Variants in UBE2H observed in about 807,000 individuals in gnomAD.
The protein encoded by UBE2H is ubiquitin conjugating enzyme E2 H, also known as ubiquitin-conjugating enzyme E2 H.
In UBE2H, 3 loss-of-function variants were observed where a neutral mutation model predicts 29.0. The observed-to-expected ratio is 0.10, with a 90% CI of 0.05 to 0.27. The LOEUF (loss-of-function observed/expected upper bound fraction) is 0.27, where lower values mean the gene tolerates loss of function less well. Among genes scored for constraint, UBE2H ranks in the 10% least tolerant of loss-of-function variants. The pLI is 1.00. For synonymous variants in UBE2H, 69 were observed against 82.9 expected (o/e 0.83, Z 0.91); for missense variants, 68 against 228.2 (o/e 0.30, Z 4.52).
At chr7:129,862,481 G>C (rs1193443830) in intron 3 of UBE2H, among the ~76,000 whole-genome samples, 1 of 152,160 alleles carries the variant, frequency 6.6e-6, no homozygotes, top group Non-Finnish European at 1.5e-5. Flanking sequence ...CAGCATTATG[G>C]AGAAAAACAC....
chr7:129,830,919 G>T lies in UBE2H; in HGVS notation c.*4018C>A, dbSNP rs920230098. 5 of 150,902 alleles carry T rather than the reference G, an allele frequency of 3.3e-5. No homozygotes were observed. The highest frequency in any genetic ancestry group is 1.2e-4 in the African/African-American group (5 of 40,896). 9.3% of individuals were successfully genotyped at this position (150,902 alleles called of 1,614,324 possible). On this transcript the variant is annotated 3_prime_UTR_variant, in exon 7 of 7. Coordinates refer to ENST00000355621, the MANE Select transcript of UBE2H (RefSeq NM_003344.4). ...GAAAAATAAGCGATAAAAAGCTTCA[G>T]ATTTCAGTTAGGGGCTGGCAGTCCC... is the stretch of plus-strand genomic sequence containing the variant.
chr7:129,945,703 A>C (rs1437719015), intron 1 of UBE2H, among the ~76,000 whole-genome samples: 2 of 152,252 alleles, frequency 1.3e-5, no homozygotes, highest in Non-Finnish European at 2.9e-5. Context: ...CAAAGAATTA[A>C]ATCAATGGCA....
chr7:129,940,131 A>G (rs762686470), intron 1 of UBE2H, among the ~76,000 whole-genome samples: 1 of 152,178 alleles, frequency 6.6e-6, no homozygotes, highest in Non-Finnish European at 1.5e-5. Flanking sequence ...TTTTCTATTT[A>G]TATTACCTCA....
In UBE2H at chr7:129,835,067, C is replaced by A; in HGVS notation, c.428-6G>T. 2 of 1,613,932 alleles carry A rather than the reference C, an allele frequency of 1.2e-6. No homozygotes were observed. Among genetic ancestry groups the A allele is most frequent in the Non-Finnish European group, 1.7e-6 (2 of 1,179,968 alleles). On this transcript the variant is annotated splice_region_variant and splice_polypyrimidine_tract_variant and intron_variant, in intron 6 of 6. Coordinates refer to ENST00000355621, the MANE Select transcript of UBE2H (RefSeq NM_003344.4). ...GGCGTATTTCTGGATGTACTCTGCA[C>A]GGGGTGGGAGAAAGACAACAAGGGC...
chr7:129,836,743 G>A (rs1446411266), intron 6 of UBE2H, among the ~76,000 whole-genome samples: 1 of 151,940 alleles, frequency 6.6e-6, no homozygotes, highest in Non-Finnish European at 1.5e-5. Flanking sequence ...AGCTGGATGT[G>A]GTGGCACATG....
chr7:129,892,812 T>A (rs1449778436), intron 1 of UBE2H, among the ~76,000 whole-genome samples: 1 of 151,500 alleles, frequency 6.6e-6, no homozygotes, highest in African/African-American at 2.4e-5. Flanking sequence ...GCTAGAAAAA[T>A]CAGATAACTG....
chr7:129,916,248 C>T (rs898814734), intron 1 of UBE2H, among the ~76,000 whole-genome samples: 4 of 151,976 alleles, frequency 2.6e-5, no homozygotes. Flanking sequence ...TAAACAGATC[C>T]GATTCAAGGG....
rs1313833283 is a variant in UBE2H at position 129,850,499 on chromosome 7, T to G, written c.298+7012A>C. Among the ~76,000 whole-genome samples the G allele has an allele frequency of 2.0e-5, 3 of 152,336 alleles. No individual in the cohort carries two copies. In the East Asian group the frequency reaches 5.8e-4, roughly 29 times the overall value. ...AAGCTAGAAACAGGTGTTCCTGTGCTGTGTGGGAAAGGGCAATATGAAAGA... is the reference window on the plus strand; with the variant it reads ...AAGCTAGAAACAGGTGTTCCTGTGCGGTGTGGGAAAGGGCAATATGAAAGA... On this transcript the variant is annotated intron_variant, in intron 5 of 6. Transcript: ENST00000355621.
chr7:129,884,313 A>T (rs1368960472), intron 1 of UBE2H, among the ~76,000 whole-genome samples: 1 of 150,542 alleles, frequency 6.6e-6, no homozygotes, highest in Non-Finnish European at 1.5e-5. Flanking sequence ...GCTACTTGGG[A>T]GGCTGAGGCA....
intron 1 of UBE2H, among the ~76,000 whole-genome samples, chr7:129,926,508 C>CA (rs535498835): frequency 0.095 from 11,839 of 124,820 alleles, 581 homozygotes; most frequent in Non-Finnish European, 0.13. Flanking sequence ...AACTCCGTCT[C>CA]AAAAAAAAAA....
chr7:129,920,451 C>T (rs1807134609), intron 1 of UBE2H, among the ~76,000 whole-genome samples: 1 of 151,862 alleles, frequency 6.6e-6, no homozygotes, highest in African/African-American at 2.4e-5. Context: ...AAATATGGTA[C>T]ACATATAACT....
At chr7:129,854,159 C>G (rs1327005572) in intron 5 of UBE2H, among the ~76,000 whole-genome samples, 2 of 142,828 alleles carry the variant, frequency 1.4e-5, no homozygotes, top group Admixed American at 7.4e-5. Flanking sequence ...TGAAGTGATT[C>G]AGAACTCACC....
At position 129,927,168 on chromosome 7, in the gene UBE2H, T is replaced by C. The variant is rs182718163; in HGVS notation, c.53+25335A>G. ...CCATGTAATGGTCCTATTATTTTTA[T>C]ACAGAATAAAACAGAGACACTAAAA... On this transcript the variant is annotated intron_variant, in intron 1 of 6. Transcript: ENST00000355621. 4.7e-4 allele frequency among the ~76,000 whole-genome samples: 72 copies of C among 152,340 alleles called. No homozygotes were observed. The East Asian group carries it at 5.0e-3, about 11-fold the overall frequency.
intron 3 of UBE2H, among the ~76,000 whole-genome samples, chr7:129,872,984 T>C (rs1220469656): frequency 2.0e-5 from 3 of 151,978 alleles, no homozygotes; most frequent in Admixed American, 6.6e-5. Flanking sequence ...TCCTGATAGT[T>C]TGACCCAATT....
intron 1 of UBE2H, among the ~76,000 whole-genome samples, chr7:129,903,205 T>C (rs28539366): frequency 0.011 from 1,705 of 152,344 alleles, 28 homozygotes; most frequent in African/African-American, 0.039. Flanking sequence ...CATATAAGCT[T>C]AAATGACTCA....
At chr7:129,884,423 A>G (rs998151160) in intron 1 of UBE2H, among the ~76,000 whole-genome samples, 1 of 151,914 alleles carries the variant, frequency 6.6e-6, no homozygotes, top group Non-Finnish European at 1.5e-5. Flanking sequence ...TCTCAAAAAA[A>G]AAAAAAAAAA....
rs61226846 is a variant in UBE2H, at chr7:129,836,879, C to CAAA, written c.428-1821_428-1819dup. On this transcript the variant is annotated intron_variant, in intron 6 of 6. Coordinates refer to ENST00000355621, the MANE Select transcript of UBE2H (RefSeq NM_003344.4). Reference sequence around the variant, plus strand: ...TAGGCGACAGGGCAAGACTCCGTCTCAAAAAAAAAAAAAAAAAAAAAAAAA... The same window carrying CAAA: ...TAGGCGACAGGGCAAGACTCCGTCTCAAAAAAAAAAAAAAAAAAAAAAAAAAAA... 3.1e-3 allele frequency among the ~76,000 whole-genome samples: 232 copies of CAAA among 73,702 alleles called. 17 individuals carry two copies. The highest frequency in any genetic ancestry group is 6.6e-3 in the African/African-American group (132 of 20,032). 48.4% of individuals were successfully genotyped at this position (73,702 alleles called of 152,430 possible). A position where few individuals can be genotyped will look rare whatever the true frequency, so the allele number is the denominator to read the frequency against.
chr7:129,930,007 A>AAAAAC (rs896237045), intron 1 of UBE2H, among the ~76,000 whole-genome samples: 3 of 152,156 alleles, frequency 2.0e-5, no homozygotes, highest in Admixed American at 6.5e-5. Context: ...CTCCATCTCA[A>AAAAAC]AAAACAAAAC....
chr7:129,832,824 T>A lies in UBE2H; in HGVS notation c.*2113A>T, dbSNP rs1219867485. On this transcript the variant is annotated 3_prime_UTR_variant, in exon 7 of 7. Transcript: ENST00000355621. ...AAATACAATTTTTTATTGTTTGAAC[T>A]CAAATCACCACCCAGCACTTTAAGC... is the stretch of plus-strand genomic sequence containing the variant. 1 of 152,176 alleles carries A rather than the reference T, an allele frequency of 6.6e-6. No individual in the cohort carries two copies. Among genetic ancestry groups the A allele is most frequent in the Admixed American group, 6.6e-5 (1 of 15,266 alleles). 9.4% of individuals were successfully genotyped at this position (152,176 alleles called of 1,614,324 possible).
Sources: allele counts gnomAD v4.1 joint callset (sites outside exome capture counted in the v4.1 genomes callset), GRCh38; gene constraint gnomAD v4.1.1; transcripts MANE v1.5; gene names NCBI Gene and HGNC (gene_info 2026-07-23, HGNC 2026-07-21).